Variants in TASP1 observed in about 807,000 individuals in gnomAD.
The protein encoded by TASP1 is taspase 1.
A neutral mutation model predicts 56.6 loss-of-function variants in TASP1; 16 were observed. The observed-to-expected ratio is 0.28, with a 90% confidence interval of 0.19 to 0.43. TASP1 has a LOEUF of 0.43. Among genes scored for constraint, TASP1 ranks in the 20% least tolerant of loss-of-function variants. The probability of loss-of-function intolerance (pLI) is 1.00; values close to 1 mark genes in which losing one functional copy is unlikely to be tolerated. For missense variants in TASP1, 393 were observed against 511.6 expected, an observed-to-expected ratio of 0.77 and a Z score of 2.24; for synonymous variants, 179 against 184.2, an observed-to-expected ratio of 0.97 and a Z score of 0.23.
At chr20:13,366,877 C>A in the TASP1 span, among the ~76,000 whole-genome samples, 1 of 151,846 alleles carries the variant, frequency 6.6e-6, no homozygotes, top group African/African-American at 2.4e-5. Context: ...TACACACACA[C>A]ACACACACTC....
the TASP1 span, among the ~76,000 whole-genome samples, chr20:13,268,592 A>G: frequency 6.6e-6 from 1 of 152,200 alleles, no homozygotes; most frequent in Admixed American, 6.5e-5. Flanking sequence ...GAGCAAAAAC[A>G]TGCTGCAGAG....
At chr20:13,340,870 A>C in the TASP1 span, among the ~76,000 whole-genome samples, 1 of 152,224 alleles carries the variant, frequency 6.6e-6, no homozygotes, top group East Asian at 1.9e-4. Context: ...CTTAGCTTTC[A>C]TTATCTCATT....
At chr20:13,441,458 G>A (rs2043209347) in intron 11 of TASP1, among the ~76,000 whole-genome samples, 1 of 152,182 alleles carries the variant, frequency 6.6e-6, no homozygotes, top group South Asian at 2.1e-4. Flanking sequence ...CTGGGGCTGA[G>A]CCTTGTCTAC....
intron 6 of TASP1, among the ~76,000 whole-genome samples, chr20:13,579,891 T>C (rs2047058295): frequency 6.6e-6 from 1 of 152,256 alleles, no homozygotes; most frequent in Non-Finnish European, 1.5e-5. Flanking sequence ...TTCTAAACTA[T>C]ATTAATTTAT....
At chr20:13,161,314 A>G in the TASP1 span, among the ~76,000 whole-genome samples, 24 of 152,314 alleles carry the variant, frequency 1.6e-4, no homozygotes, top group Middle Eastern at 6.8e-3. Context: ...GCTCAGTCCT[A>G]GACATGTTGA....
intron 11 of TASP1, among the ~76,000 whole-genome samples, chr20:13,457,104 C>T (rs924904684): frequency 5.9e-5 from 9 of 151,772 alleles, no homozygotes; most frequent in Non-Finnish European, 1.2e-4. Context: ...GTGAACATCA[C>T]ACACTGGGGC....
chr20:13,611,994 T>C (rs1028119291), intron 4 of TASP1, among the ~76,000 whole-genome samples: 5 of 152,344 alleles, frequency 3.3e-5, no homozygotes, highest in East Asian at 1.9e-4. Context: ...CTCAAGCTTC[T>C]TCAGATGCAA....
intron 1 of TASP1, among the ~76,000 whole-genome samples, chr20:13,638,075 G>A (rs918871165): frequency 1.3e-5 from 2 of 152,072 alleles, no homozygotes; most frequent in African/African-American, 4.8e-5. Context: ...CAGAACTATA[G>A]GTGATCTCTT....
At chr20:13,353,082 T>C in the TASP1 span, among the ~76,000 whole-genome samples, 1 of 151,978 alleles carries the variant, frequency 6.6e-6, no homozygotes, top group South Asian at 2.1e-4. Flanking sequence ...ACAAAAGAAA[T>C]TAAAATAGTA....
At chr20:13,506,691 T>A (rs2044145125) in intron 10 of TASP1, among the ~76,000 whole-genome samples, 1 of 152,050 alleles carries the variant, frequency 6.6e-6, no homozygotes, top group Non-Finnish European at 1.5e-5. Flanking sequence ...AAATTCAACA[T>A]GCTTTCATGA....
the TASP1 span, among the ~76,000 whole-genome samples, chr20:13,333,195 C>T: frequency 1.6e-4 from 25 of 152,280 alleles, 1 homozygote; most frequent in South Asian, 1.2e-3. Context: ...CTGGCATGTA[C>T]GTGGAGAAAG....
At chr20:13,583,022 ACAC>A (rs1349046271) in intron 5 of TASP1, among the ~76,000 whole-genome samples, 2 of 152,182 alleles carry the variant, frequency 1.3e-5, no homozygotes, top group African/African-American at 2.4e-5. Flanking sequence ...CAGCATTTGA[ACAC>A]CACGTTTTCT....
intron 12 of TASP1, among the ~76,000 whole-genome samples, chr20:13,430,364 G>A (rs6033706): frequency 0.063 from 9,637 of 152,192 alleles, 446 homozygotes; most frequent in African/African-American, 0.13. Flanking sequence ...CAGGCTCTCC[G>A]ATGAGATTTC....
At chr20:13,224,744 TA>T in the TASP1 span, among the ~76,000 whole-genome samples, 15 of 152,238 alleles carry the variant, frequency 9.9e-5, no homozygotes, top group East Asian at 2.7e-3. Flanking sequence ...CCCAATAAAG[TA>T]GTAGTAAGAA....
chr20:13,279,472 T>A, the TASP1 span, among the ~76,000 whole-genome samples: 3 of 152,196 alleles, frequency 2.0e-5, no homozygotes, highest in African/African-American at 7.2e-5. Flanking sequence ...TTGTGGACCA[T>A]CCCTGGAGGT....
At chr20:13,491,329 C>T (rs1267055202) in intron 10 of TASP1, among the ~76,000 whole-genome samples, 3 of 152,112 alleles carry the variant, frequency 2.0e-5, no homozygotes, top group African/African-American at 7.2e-5. Context: ...TATTTTTATT[C>T]TCCAACAGGT....
chr20:13,412,772 C>T (rs1281558228), intron 13 of TASP1, among the ~76,000 whole-genome samples: 10 of 152,058 alleles, frequency 6.6e-5, no homozygotes, highest in Non-Finnish European at 1.5e-5. Flanking sequence ...TACAAAAATC[C>T]TACTGAAAAT....
the TASP1 span, among the ~76,000 whole-genome samples, chr20:13,176,011 G>A: frequency 1.3e-5 from 2 of 152,154 alleles, no homozygotes; most frequent in Non-Finnish European, 2.9e-5. Context: ...TTTTAGAAAT[G>A]TCAAAATATA....
At chr20:13,298,472 A>C in the TASP1 span, among the ~76,000 whole-genome samples, 1 of 152,204 alleles carries the variant, frequency 6.6e-6, no homozygotes, top group Non-Finnish European at 1.5e-5. Flanking sequence ...GTTTGTTAGG[A>C]GTGATAATCG....
Sources: allele counts gnomAD v4.1 joint callset (sites outside exome capture counted in the v4.1 genomes callset), GRCh38; gene constraint gnomAD v4.1.1; transcripts MANE v1.5; gene names NCBI Gene and HGNC (gene_info 2026-07-23, HGNC 2026-07-21).